ANXA4: variants seen among roughly 807,000 people sequenced by gnomAD.
ANXA4 encodes the protein 35-beta calcimedin.
In ANXA4, 39 loss-of-function variants were observed where a neutral mutation model predicts 49.8. The observed-to-expected ratio is 0.78, with a 90% confidence interval of 0.61 to 1.02. ANXA4 has a LOEUF of 1.02. Ranked by LOEUF, ANXA4 falls within the 50% of genes least tolerant of loss-of-function variation. The pLI, the probability that ANXA4 is intolerant of heterozygous loss-of-function variation, is 0.00. For missense variants in ANXA4, 360 were observed against 410.1 expected, an observed-to-expected ratio of 0.88 and a Z score of 1.05; for synonymous variants, 134 against 152.5, an observed-to-expected ratio of 0.88 and a Z score of 0.89.
At chr2:69,771,088 TG>T (rs1671693165) in intron 1 of ANXA4, among the ~76,000 whole-genome samples, 1 of 122,550 alleles carries the variant, frequency 8.2e-6, no homozygotes, top group Non-Finnish European at 1.6e-5. Flanking sequence ...GGCAAGACCC[TG>T]TCTCCAAAAA....
chr2:69,792,736 C>G (rs7559354), intron 3 of ANXA4, among the ~76,000 whole-genome samples: 51,522 of 151,986 alleles, frequency 0.34, 9,897 homozygotes, highest in Admixed American at 0.48. Context: ...TACACACTTT[C>G]CATGTAATTC....
Position 69,656,233 on chromosome 2 carries a change from A to ATATATACGTATATATATG in ANXA4, n.766+2987_766+3004dup, listed in dbSNP as rs1472535361. On this transcript the variant is annotated intron_variant and non_coding_transcript_variant, in intron 2 of 3. Transcript: ENST00000418066. ...CACACATATATATGTATATATGTAT[A>ATATATACGTATATATATG]TATATACGTATATATATGTATATAC... is the stretch of plus-strand genomic sequence containing the variant. Among the ~76,000 whole-genome samples, 29 of 120,464 alleles carry ATATATACGTATATATATG rather than the reference A, an allele frequency of 2.4e-4. 3 individuals are homozygous for ATATATACGTATATATATG. The highest frequency in any genetic ancestry group is 3.0e-4 in the Admixed American group (3 of 10,082). The allele number at this position is 120,464 out of a possible 152,430, so 79.0% of individuals were successfully genotyped here. A position where few individuals can be genotyped will look rare whatever the true frequency, so the allele number is the denominator to read the frequency against.
chr2:69,746,231 C>T (rs867144204), intron 1 of ANXA4, among the ~76,000 whole-genome samples: 16 of 151,950 alleles, frequency 1.1e-4, no homozygotes, highest in African/African-American at 3.4e-4. Flanking sequence ...AGGGTGGTCT[C>T]AAACCCCTGA....
In ANXA4 at chr2:69,767,549, A is replaced by G. The variant is rs1671541317; in HGVS notation, c.-46-13971A>G. ...AAACTCTGACCATGTGTCTGCCCAA[A>G]GAGACATATTACAGAGCCATGCCAC... On this transcript the variant is annotated intron_variant, in intron 1 of 12. Transcript: ENST00000394295. 1.3e-5 allele frequency among the ~76,000 whole-genome samples: 2 copies of G among 152,222 alleles called. 1 individual carries two copies. The highest frequency in any genetic ancestry group is 4.1e-4 in the South Asian group (2 of 4,834).
intron 2 of ANXA4, among the ~76,000 whole-genome samples, chr2:69,704,515 G>T (rs757777529): frequency 6.6e-6 from 1 of 152,140 alleles, no homozygotes; most frequent in East Asian, 1.9e-4. Context: ...CTCGATAGAC[G>T]AGAGTGGCTT....
intron 2 of ANXA4, chr2:69,700,224 A>G (rs1386070603): frequency 6.6e-6 from 1 of 152,192 alleles, no homozygotes; most frequent in East Asian, 1.9e-4. Flanking sequence ...TTAAACTTAA[A>G]AAATTAAAAA....
At chr2:69,812,871 G>A (rs1263758907) in intron 8 of ANXA4, among the ~76,000 whole-genome samples, 162 bp downstream of exon 8, 4 of 152,090 alleles carry the variant, frequency 2.6e-5, no homozygotes, top group Admixed American at 1.3e-4. Context: ...CAGGTTTCTT[G>A]CAGAGGTACC....
chr2:69,818,791 A>C (rs1035863034), intron 10 of ANXA4, 97 bp downstream of exon 10: 2 of 761,642 alleles, frequency 2.6e-6, no homozygotes, highest in African/African-American at 1.8e-5. Context: ...TTTAGAGATA[A>C]AAGTTGTTTA....
At chr2:69,662,985 T>C (rs115333646) in intron 2 of ANXA4, among the ~76,000 whole-genome samples, 2,372 of 141,778 alleles carry the variant, frequency 0.017, 74 homozygotes, top group African/African-American at 0.055. Context: ...TCCTGGTTTT[T>C]CTTTTTCTTT....
chr2:69,702,273 A>C (rs1216058300), intron 2 of ANXA4, among the ~76,000 whole-genome samples: 1 of 152,010 alleles, frequency 6.6e-6, no homozygotes, highest in Non-Finnish European at 1.5e-5. Flanking sequence ...TCAGCCTCCC[A>C]AACTGCTGGG....
intron 1 of ANXA4, among the ~76,000 whole-genome samples, chr2:69,775,494 G>T (rs1174500454): frequency 1.3e-5 from 2 of 152,174 alleles, no homozygotes; most frequent in Non-Finnish European, 2.9e-5. Context: ...AATCACCCAG[G>T]ATAGAAATCA....
chr2:69,819,728 T>A (rs10179242), intron 11 of ANXA4, among the ~76,000 whole-genome samples: 20,465 of 151,884 alleles, frequency 0.13, 3,612 homozygotes, highest in African/African-American at 0.38. Context: ...TAACCCTCCA[T>A]CGTACTCTGC....
chr2:69,700,853 G>T (rs1277313602), intron 2 of ANXA4, among the ~76,000 whole-genome samples: 1 of 152,060 alleles, frequency 6.6e-6, no homozygotes, highest in Non-Finnish European at 1.5e-5. Context: ...ACTTGGTCAA[G>T]GGGTATGTAT....
In ANXA4 at chr2:69,820,771, C is replaced by T. The variant is rs774375672; in HGVS notation, c.856C>T (p.Arg286Trp). The change falls in exon 12 of 13, where the codon CGG becomes TGG. Residue 286 changes from arginine (R) to tryptophan (W), a missense_variant. By Grantham distance (101) the Arg-to-Trp change is moderately radical (BLOSUM62 -3). Transcript: ENST00000394295. Reference protein sequence around the residue: ...SRAEIDMLDIRAHFKRLYGKS... With the variant: ...SRAEIDMLDIWAHFKRLYGKS... ...AGCAGAAATTGACATGTTGGATATC[C>T]GGGCACACTTCAAGAGACTCTATGG... 4 of 1,613,910 alleles carry T rather than the reference C, an allele frequency of 2.5e-6. No individual in the cohort carries two copies. Among genetic ancestry groups the T allele is most frequent in the African/African-American group, 1.3e-5 (1 of 74,856 alleles).
At chr2:69,673,604 A>G (rs967891620) in intron 2 of ANXA4, among the ~76,000 whole-genome samples, 2 of 151,948 alleles carry the variant, frequency 1.3e-5, no homozygotes, top group East Asian at 3.9e-4. Context: ...GTGTATACCT[A>G]TCTAACAAAC....
chr2:69,649,333 A>C (rs963268051), intron 1 of ANXA4, among the ~76,000 whole-genome samples: 1 of 152,086 alleles, frequency 6.6e-6, no homozygotes, highest in African/African-American at 2.4e-5. Context: ...CTCAGCGATA[A>C]TTGCTATTGA....
chr2:69,811,400 A>T (rs928831541), intron 7 of ANXA4: 3 of 152,440 alleles, frequency 2.0e-5, no homozygotes, highest in African/African-American at 7.2e-5. Context: ...CAGAAGAGTA[A>T]TGTAATAGTG....
At chr2:69,793,759 G>A (rs1230323125) in intron 3 of ANXA4, among the ~76,000 whole-genome samples, 2 of 151,900 alleles carry the variant, frequency 1.3e-5, no homozygotes, top group African/African-American at 2.4e-5. Flanking sequence ...GATTTGTGGT[G>A]CATTTTCTGT....
intron 4 of ANXA4, among the ~76,000 whole-genome samples, chr2:69,805,457 T>G (rs1673405138): frequency 6.6e-6 from 1 of 151,790 alleles, no homozygotes; most frequent in African/African-American, 2.4e-5. Context: ...TACAAAAAAA[T>G]TAGCTGGGCA....
Sources: gnomAD v4.1 joint callset for allele counts (sites outside exome capture counted in the v4.1 genomes callset) on GRCh38, gnomAD v4.1.1 for gene constraint, MANE v1.5 for transcripts, NCBI Gene and HGNC (gene_info 2026-07-23, HGNC 2026-07-21) for gene names.